Variants in KLHL29 observed in about 807,000 individuals in gnomAD.
KLHL29 encodes the protein kelch-like protein 29.
Under a neutral mutation model 80.4 loss-of-function variants are expected in KLHL29, and 21 were observed. The observed-to-expected ratio is 0.26, with a 90% CI of 0.19 to 0.38. The LOEUF (loss-of-function observed/expected upper bound fraction) is 0.38. KLHL29 is among the 10% of genes least tolerant of loss of function. The pLI, the probability that KLHL29 is intolerant of heterozygous loss-of-function variation, is 1.00. For synonymous variants in KLHL29, 511 were observed against 526.8 expected (o/e 0.97, Z 0.41); for missense variants, 867 against 1,223.9 (o/e 0.71, Z 4.35).
Position 23,695,041 on chromosome 2 carries a change from G to A in KLHL29, c.1543-582G>A, listed in dbSNP as rs975069304. Among the ~76,000 whole-genome samples, 2 of 152,178 alleles carry A rather than the reference G, an allele frequency of 1.3e-5. No individual in the cohort carries two copies. Among genetic ancestry groups the A allele is most frequent in the Non-Finnish European group, 2.9e-5 (2 of 68,036 alleles). The stretch of plus-strand genomic sequence containing the variant: ...TAGAGTGATGAGCAGAGTTTGTTAG[G>A]AGGGGAGATTCAAGGGAGCCTGTAA... On this transcript the variant is annotated intron_variant, in intron 8 of 13. Coordinates refer to ENST00000486442, the MANE Select transcript of KLHL29 (RefSeq NM_052920.2). This position sits in a 1 kb window ranked among gnomAD's most constrained non-coding sequence, Gnocchi z 7.6.
intron 1 of KLHL29, among the ~76,000 whole-genome samples, chr2:23,454,885 C>T (rs772801960): frequency 2.0e-5 from 3 of 151,758 alleles, no homozygotes; most frequent in Non-Finnish European, 4.4e-5. Flanking sequence ...GCAGATTAAA[C>T]AGCCAGGTTG....
chr2:23,450,679 T>A (rs1663851784), intron 1 of KLHL29, among the ~76,000 whole-genome samples: 1 of 152,232 alleles, frequency 6.6e-6, no homozygotes, highest in Non-Finnish European at 1.5e-5. Flanking sequence ...GTGTATCCTC[T>A]GGTTTGTTTC....
intron 3 of KLHL29, among the ~76,000 whole-genome samples, chr2:23,575,656 C>G (rs145242698): frequency 1.3e-5 from 2 of 152,202 alleles, no homozygotes; most frequent in Non-Finnish European, 2.9e-5. Context: ...ACTGGGTTCA[C>G]GGCCTTTTTA....
intron 3 of KLHL29, among the ~76,000 whole-genome samples, chr2:23,573,165 T>A (rs1667760929): frequency 6.6e-6 from 1 of 152,218 alleles, no homozygotes; most frequent in Admixed American, 6.5e-5. Flanking sequence ...GCCCTTCCCA[T>A]CTCTCCTGGA....
At chr2:23,438,246 G>T (rs956665407) in intron 1 of KLHL29, among the ~76,000 whole-genome samples, 4 of 151,566 alleles carry the variant, frequency 2.6e-5, no homozygotes, top group East Asian at 1.9e-4. Flanking sequence ...TACAATCATG[G>T]CGTCTGCAGA....
At chr2:23,522,133 T>G (rs1666124053) in intron 2 of KLHL29, among the ~76,000 whole-genome samples, 3 of 151,466 alleles carry the variant, frequency 2.0e-5, no homozygotes, top group Admixed American at 2.0e-4. Flanking sequence ...CAAGCTTCAG[T>G]GTGTGTTTAT....
chr2:23,621,347 C>T (rs1278491265), intron 3 of KLHL29, among the ~76,000 whole-genome samples: 4 of 152,220 alleles, frequency 2.6e-5, no homozygotes, highest in Admixed American at 2.0e-4. Context: ...CAGGGAGAAG[C>T]CTCTTGTCCA....
rs534312196 is a variant in KLHL29, at chr2:23,596,097, GGA to G, written c.285+33619_285+33620del. On this transcript the variant is annotated intron_variant, in intron 3 of 13. Transcript: ENST00000486442. This position sits in a 1 kb window ranked among gnomAD's most constrained non-coding sequence, Gnocchi z 4.4. The stretch of plus-strand genomic sequence containing the variant: ...TGCACGGCCTGCTTGGGGTTGCCAT[GGA>G]GAAGCTGGGTCTGTTGGTGGTTTGA... Among the ~76,000 whole-genome samples, 382 of 152,308 alleles carry G rather than the reference GGA, an allele frequency of 2.5e-3. 1 individual carries two copies. Among genetic ancestry groups the G allele is most frequent in the African/African-American group, 8.8e-3 (364 of 41,568 alleles).
intron 5 of KLHL29, chr2:23,670,101 C>T (rs1178703701): frequency 6.7e-6 from 1 of 149,020 alleles, no homozygotes; most frequent in East Asian, 2.0e-4. Context: ...GCGTGTAGAT[C>T]GTCACGTGGA....
chr2:23,575,691 A>G (rs1008196960), intron 3 of KLHL29, among the ~76,000 whole-genome samples: 15 of 152,228 alleles, frequency 9.9e-5, no homozygotes, highest in African/African-American at 3.6e-4. Flanking sequence ...ATGTGGAGAC[A>G]CAGGCCTGCC....
At chr2:23,626,005 C>T (rs965662597) in intron 3 of KLHL29, among the ~76,000 whole-genome samples, 1 of 152,100 alleles carries the variant, frequency 6.6e-6, no homozygotes, top group Non-Finnish European at 1.5e-5. Flanking sequence ...GTGAGGAATG[C>T]ATTTCTGTTG....
At chr2:23,552,479 G>A (rs1433395483) in intron 2 of KLHL29, among the ~76,000 whole-genome samples, 4 of 152,332 alleles carry the variant, frequency 2.6e-5, no homozygotes, top group Admixed American at 2.0e-4. Context: ...CCACTGTGGG[G>A]TGTTTAGGGT....
At chr2:23,440,278 T>G (rs1283148951) in intron 1 of KLHL29, among the ~76,000 whole-genome samples, 1 of 152,030 alleles carries the variant, frequency 6.6e-6, no homozygotes, top group Non-Finnish European at 1.5e-5. Context: ...TAGCCATATG[T>G]AGAAAGCTGA....
At chr2:23,633,819 G>C (rs1406759543) in intron 3 of KLHL29, among the ~76,000 whole-genome samples, 4 of 150,554 alleles carry the variant, frequency 2.7e-5, no homozygotes, top group Non-Finnish European at 4.4e-5. Flanking sequence ...GAAGCTCCGT[G>C]CTATGCTGAA....
chr2:23,420,411 G>A (rs1364476993), intron 1 of KLHL29, among the ~76,000 whole-genome samples: 1 of 152,192 alleles, frequency 6.6e-6, no homozygotes, highest in African/African-American at 2.4e-5. Flanking sequence ...AATGGGGCTT[G>A]TTTTACGGGA....
At chr2:23,393,340 T>A (rs1463275867) in intron 1 of KLHL29, among the ~76,000 whole-genome samples, 1 of 152,246 alleles carries the variant, frequency 6.6e-6, no homozygotes, top group Admixed American at 6.5e-5. Flanking sequence ...ATTGATGAAT[T>A]GTAATCTGGA....
intron 5 of KLHL29, among the ~76,000 whole-genome samples, chr2:23,673,329 C>CCCATCCT (rs1405543630): frequency 6.6e-6 from 1 of 151,808 alleles, no homozygotes; most frequent in Non-Finnish European, 1.5e-5. Context: ...CACACATACA[C>CCCATCCT]CCATCCTCAC....
chr2:23,622,729 C>T (rs964087480), intron 3 of KLHL29, among the ~76,000 whole-genome samples: 6 of 152,214 alleles, frequency 3.9e-5, no homozygotes, highest in Admixed American at 2.0e-4. Flanking sequence ...AGCATTCAAC[C>T]GGACGCCAGC....
chr2:23,623,768 C>A (rs538518202), intron 3 of KLHL29, among the ~76,000 whole-genome samples: 1 of 152,208 alleles, frequency 6.6e-6, no homozygotes, highest in South Asian at 2.1e-4. Flanking sequence ...ATAGTGTGTG[C>A]ATATGTGAAT....
Sources: allele counts gnomAD v4.1 joint callset (sites outside exome capture counted in the v4.1 genomes callset), GRCh38; gene constraint gnomAD v4.1.1; non-coding constraint Gnocchi (gnomAD v3.1); transcripts MANE v1.5; gene names NCBI Gene and HGNC (gene_info 2026-07-23, HGNC 2026-07-21).